Variants in GRIP1 observed in about 807,000 individuals in gnomAD.
The protein encoded by GRIP1 is glutamate receptor-interacting protein 1.
In GRIP1, 45 loss-of-function variants were observed where a neutral mutation model predicts 129.9. The observed-to-expected ratio is 0.35, with a 90% confidence interval of 0.27 to 0.44. The LOEUF is 0.44. GRIP1 is among the 20% of genes least tolerant of loss of function. The probability of loss-of-function intolerance (pLI) is 1.00; values close to 1 mark genes in which losing one functional copy is unlikely to be tolerated. For synonymous variants in GRIP1, 530 were observed against 520.8 expected, an observed-to-expected ratio of 1.02 and a Z score of -0.24; for missense variants, 1,196 against 1,396.8, an observed-to-expected ratio of 0.86 and a Z score of 2.29.
At chr12:66,804,665 T>C (rs188688831), upstream of GRIP1, among the ~76,000 whole-genome samples, 193 of 152,268 alleles carry the variant, frequency 1.3e-3, 1 homozygote, top group Non-Finnish European at 2.1e-3. Context: ...CATTAGTCAA[T>C]GGACTGAACC....
intron 1 of GRIP1, among the ~76,000 whole-genome samples, chr12:66,837,962 G>A (rs549574470): frequency 4.6e-5 from 7 of 152,310 alleles, no homozygotes; most frequent in African/African-American, 1.7e-4. Flanking sequence ...GGGAGGCCAA[G>A]GTGGGCGGAT....
chr12:66,524,876 C>G (rs756024912), intron 5 of GRIP1, among the ~76,000 whole-genome samples: 1 of 152,160 alleles, frequency 6.6e-6, no homozygotes. Context: ...GAAATACAAA[C>G]TACCATCAGA....
intron 1 of GRIP1, among the ~76,000 whole-genome samples, chr12:66,896,526 G>A (rs2040752922): frequency 6.6e-6 from 1 of 150,838 alleles, no homozygotes; most frequent in East Asian, 2.0e-4. Context: ...CCCATTGGAT[G>A]TAGAAAAGAG....
chr12:66,540,374 T>C (rs2061735931), intron 3 of GRIP1, among the ~76,000 whole-genome samples: 1 of 152,258 alleles, frequency 6.6e-6, no homozygotes. Context: ...ACAGAATTAA[T>C]ACAACTGAAA....
intron 16 of GRIP1, among the ~76,000 whole-genome samples, chr12:66,394,812 T>C (rs936833720): frequency 6.6e-6 from 1 of 152,240 alleles, no homozygotes; most frequent in African/African-American, 2.4e-5. Flanking sequence ...ACTTTTGATA[T>C]AGAAAAGTGG....
chr12:66,569,867 C>T (rs751978034), intron 2 of GRIP1, among the ~76,000 whole-genome samples: 1 of 152,168 alleles, frequency 6.6e-6, no homozygotes, highest in African/African-American at 2.4e-5. Context: ...GTTTAGACAA[C>T]AGTACATATT....
At chr12:66,444,460 T>C in intron 13 of GRIP1, 124 bp downstream of exon 13, 2 of 807,800 alleles carry the variant, frequency 2.5e-6, no homozygotes, top group Non-Finnish European at 3.8e-6. Flanking sequence ...CAGTCCGCAG[T>C]CCAGCCTGGG....
chr12:66,494,389 G>T lies in GRIP1; in HGVS notation c.724+21230C>A, dbSNP rs532614032. ...AAAGTCACATTCCAATATTTGTTCT[G>T]CCTTCAAAACTTTTACCTATACTTA... On this transcript the variant is annotated intron_variant, in intron 7 of 24. Transcript: ENST00000359742. Among the ~76,000 whole-genome samples the T allele has an allele frequency of 5.3e-5, 8 of 152,124 alleles. No homozygotes were observed. In the East Asian group the frequency reaches 1.5e-3, roughly 29 times the overall value.
intron 1 of GRIP1, among the ~76,000 whole-genome samples, chr12:66,783,612 T>C (rs1238842062): frequency 1.3e-5 from 2 of 152,162 alleles, no homozygotes; most frequent in African/African-American, 4.8e-5. Context: ...TTAACAACAT[T>C]TGATAAGCAG....
chr12:66,359,177 G>A (rs2054630590), intron 23 of GRIP1, among the ~76,000 whole-genome samples: 1 of 152,204 alleles, frequency 6.6e-6, no homozygotes, highest in Non-Finnish European at 1.5e-5. Context: ...CTTCTGCTCT[G>A]CAGGCCTAGC....
intron 1 of GRIP1, among the ~76,000 whole-genome samples, chr12:67,005,769 C>T (rs183556275): frequency 2.0e-4 from 30 of 152,260 alleles, no homozygotes; most frequent in Admixed American, 1.3e-4. Context: ...AAGAAAACTG[C>T]CACACAAAAA....
chr12:66,938,875 T>C (rs2041535299), intron 1 of GRIP1, among the ~76,000 whole-genome samples: 1 of 152,082 alleles, frequency 6.6e-6, no homozygotes, highest in South Asian at 2.1e-4. Flanking sequence ...GAGAATTGCT[T>C]GAACCTGGGA....
At chr12:66,793,875 G>A (rs987513846) in intron 1 of GRIP1, among the ~76,000 whole-genome samples, 1 of 152,118 alleles carries the variant, frequency 6.6e-6, no homozygotes, top group Non-Finnish European at 1.5e-5. Context: ...AGTTTTATCT[G>A]GAAAATAAAG....
chr12:66,872,553 G>A (rs2040313647), intron 1 of GRIP1, among the ~76,000 whole-genome samples: 1 of 151,854 alleles, frequency 6.6e-6, no homozygotes, highest in Non-Finnish European at 1.5e-5. Context: ...AGGAAGCCAG[G>A]GATTCGTATC....
intron 1 of GRIP1, among the ~76,000 whole-genome samples, chr12:66,950,036 A>G (rs1463956464): frequency 2.0e-5 from 3 of 151,590 alleles, no homozygotes; most frequent in African/African-American, 7.3e-5. Flanking sequence ...TTGGCCTCCC[A>G]TAGTGCTGGG....
intron 4 of GRIP1, among the ~76,000 whole-genome samples, chr12:66,533,484 C>T (rs4913320): frequency 0.68 from 103,089 of 151,684 alleles, 35,569 homozygotes; most frequent in African/African-American, 0.81. Context: ...ATCTCTACTA[C>T]AAATATAAAA....
chr12:66,393,224 G>A (rs2137527321), intron 17 of GRIP1, among the ~76,000 whole-genome samples: 1 of 135,888 alleles, frequency 7.4e-6, no homozygotes, highest in East Asian at 2.1e-4. Flanking sequence ...TGTCACCCAG[G>A]CTGGAGTCCA....
At chr12:66,844,467 T>TTGC (rs1313129908) in intron 1 of GRIP1, among the ~76,000 whole-genome samples, 1 of 152,142 alleles carries the variant, frequency 6.6e-6, no homozygotes, top group Non-Finnish European at 1.5e-5. Flanking sequence ...ATAACAAGTG[T>TTGC]TGCTGACGAT....
In GRIP1 at chr12:66,706,670, G is replaced by A. The variant is rs559648120; in HGVS notation, c.-419-76334C>T. Among the ~76,000 whole-genome samples, 10 of 152,040 alleles carry A rather than the reference G, an allele frequency of 6.6e-5. No individual in the cohort carries two copies. The South Asian group carries it at 8.3e-4, about 13-fold the overall frequency. On this transcript the variant is annotated intron_variant, in intron 1 of 4. Transcript: ENST00000538373. ...AGAAAATGTAGTATATATACACCAC[G>A]CAATACTATGCAGCCATAAAAAGGA...
Sources: allele counts gnomAD v4.1 joint callset (sites outside exome capture counted in the v4.1 genomes callset), GRCh38; gene constraint gnomAD v4.1.1; transcripts MANE v1.5; gene names NCBI Gene and HGNC (gene_info 2026-07-23, HGNC 2026-07-21).